KCNIP4: variants seen among roughly 807,000 people sequenced by gnomAD.
The protein encoded by KCNIP4 is Kv channel-interacting protein 4.
A neutral mutation model predicts 34.0 loss-of-function variants in KCNIP4; 12 were observed. The ratio of observed to expected loss-of-function variants is 0.35; its 90% CI spans 0.23 to 0.57. The LOEUF (loss-of-function observed/expected upper bound fraction) is 0.57, where lower values mean the gene tolerates loss of function less well. Among genes scored for constraint, KCNIP4 ranks in the 20% least tolerant of loss-of-function variants. The pLI is 0.83. For synonymous variants in KCNIP4, 124 were observed against 102.2 expected (o/e 1.21, Z -1.29); for missense variants, 238 against 311.7 (o/e 0.76, Z 1.78).
chr4:20,755,986 T>A (rs569715999), intron 4 of KCNIP4, among the ~76,000 whole-genome samples: 3 of 152,244 alleles, frequency 2.0e-5, no homozygotes, highest in South Asian at 4.2e-4. Flanking sequence ...GCTTATGTTC[T>A]ATGGAATGGT....
chr4:21,144,726 A>C (rs1752225983), intron 1 of KCNIP4, among the ~76,000 whole-genome samples: 1 of 152,092 alleles, frequency 6.6e-6, no homozygotes, highest in South Asian at 2.1e-4. Context: ...TGATGTGAAT[A>C]TTTTCCTCCT....
At chr4:20,848,748 T>C (rs1258012695) in intron 3 of KCNIP4, among the ~76,000 whole-genome samples, 1 of 152,158 alleles carries the variant, frequency 6.6e-6, no homozygotes, top group African/African-American at 2.4e-5. Flanking sequence ...AGAGATTGGA[T>C]TCAGTTCTCC....
intron 1 of KCNIP4, among the ~76,000 whole-genome samples, chr4:20,968,235 T>A (rs1003309386): frequency 5.9e-5 from 9 of 152,118 alleles, no homozygotes; most frequent in Non-Finnish European, 1.2e-4. Context: ...AGATACCATC[T>A]CACACCAGTT....
At chr4:21,733,582 T>G (rs1042276351) in intron 1 of KCNIP4, among the ~76,000 whole-genome samples, 1 of 152,172 alleles carries the variant, frequency 6.6e-6, no homozygotes, top group Non-Finnish European at 1.5e-5. Flanking sequence ...GCAGTATAAT[T>G]TTTGCAAGTC....
intron 1 of KCNIP4, among the ~76,000 whole-genome samples, chr4:21,328,250 T>G (rs1394271426): frequency 6.6e-6 from 1 of 152,182 alleles, no homozygotes; most frequent in Non-Finnish European, 1.5e-5. Context: ...TCTAAATTTT[T>G]GGTCACTGCA....
Position 21,116,440 on chromosome 4 carries a change from G to A in KCNIP4, c.62-233731C>T, listed in dbSNP as rs150356765. Among the ~76,000 whole-genome samples the A allele has an allele frequency of 2.6e-4, 40 of 152,216 alleles. No individual in the cohort carries two copies. In the East Asian group the frequency reaches 5.6e-3, roughly 21 times the overall value. On this transcript the variant is annotated intron_variant, in intron 1 of 8. Transcript: ENST00000382152. Reference sequence around the variant, plus strand: ...TGCAGGCAGAGATCATCGTTCTTACGGCTTTAGAGTGACTACAACTTCCTG... The same window carrying A: ...TGCAGGCAGAGATCATCGTTCTTACAGCTTTAGAGTGACTACAACTTCCTG...
At chr4:21,788,148 G>T (rs1443369698) in intron 1 of KCNIP4, among the ~76,000 whole-genome samples, 1 of 152,072 alleles carries the variant, frequency 6.6e-6, no homozygotes, top group Non-Finnish European at 1.5e-5. Flanking sequence ...TTCAAAATTT[G>T]GGAGGTAAAG....
chr4:20,838,552 G>A (rs1039112099), intron 3 of KCNIP4, among the ~76,000 whole-genome samples: 10 of 152,164 alleles, frequency 6.6e-5, no homozygotes, highest in African/African-American at 2.2e-4. Context: ...AGCCCTTAAT[G>A]TGAATAAAAG....
chr4:21,376,681 C>T (rs573201155), intron 1 of KCNIP4, among the ~76,000 whole-genome samples: 4 of 152,176 alleles, frequency 2.6e-5, no homozygotes, highest in East Asian at 3.8e-4. Flanking sequence ...ATCAGTGTTA[C>T]GTTTGCCTTT....
chr4:21,481,905 A>G (rs1731459387), intron 1 of KCNIP4, among the ~76,000 whole-genome samples: 2 of 152,208 alleles, frequency 1.3e-5, no homozygotes, highest in African/African-American at 4.8e-5. Context: ...TCACACATTT[A>G]TGAAATAAAA....
intron 1 of KCNIP4, among the ~76,000 whole-genome samples, chr4:21,865,404 GA>G (rs1355484602): frequency 6.6e-6 from 1 of 151,604 alleles, no homozygotes; most frequent in Non-Finnish European, 1.5e-5. Context: ...GACAGGATAG[GA>G]CAAGAGAGAA....
chr4:20,733,561 T>C (rs1389896494), intron 6 of KCNIP4, among the ~76,000 whole-genome samples: 1 of 152,148 alleles, frequency 6.6e-6, no homozygotes. Flanking sequence ...GTGAAACCTT[T>C]TAAGATGTTT....
At chr4:21,258,472 A>G (rs909235067) in intron 1 of KCNIP4, among the ~76,000 whole-genome samples, 1 of 152,132 alleles carries the variant, frequency 6.6e-6, no homozygotes, top group Non-Finnish European at 1.5e-5. Context: ...AGCTCTACCC[A>G]TATTATCCAG....
chr4:21,490,657 C>G (rs116602146), intron 1 of KCNIP4, among the ~76,000 whole-genome samples: 2,971 of 152,246 alleles, frequency 0.02, 96 homozygotes, highest in East Asian at 0.12. Flanking sequence ...GAAGTGCACA[C>G]TATTCATTTA....
At chr4:21,665,028 T>C (rs1748733602) in intron 1 of KCNIP4, among the ~76,000 whole-genome samples, 1 of 152,214 alleles carries the variant, frequency 6.6e-6, no homozygotes, top group Non-Finnish European at 1.5e-5. Flanking sequence ...CATGATCTAT[T>C]AATGGCTATC....
At chr4:21,690,767 T>C (rs895893784) in intron 1 of KCNIP4, among the ~76,000 whole-genome samples, 4 of 152,208 alleles carry the variant, frequency 2.6e-5, no homozygotes, top group African/African-American at 4.8e-5. Flanking sequence ...CGTATCTCAC[T>C]GAGTTGTAAT....
chr4:21,695,463 G>A (rs1712211025), intron 1 of KCNIP4, among the ~76,000 whole-genome samples: 1 of 151,186 alleles, frequency 6.6e-6, no homozygotes, highest in Admixed American at 6.6e-5. Context: ...TCAAAAAGAA[G>A]AAAGCAATCC....
intron 3 of KCNIP4, among the ~76,000 whole-genome samples, chr4:20,792,144 C>A (rs1483530545): frequency 6.6e-6 from 1 of 152,164 alleles, no homozygotes; most frequent in Non-Finnish European, 1.5e-5. Context: ...GAAGCTGAGG[C>A]AGGCGGATCA....
intron 1 of KCNIP4, among the ~76,000 whole-genome samples, chr4:21,552,722 T>A (rs984364267): frequency 6.6e-6 from 1 of 152,118 alleles, no homozygotes; most frequent in Admixed American, 6.6e-5. Flanking sequence ...TAATACTTAG[T>A]TTTTTAGGCT....
Sources: gnomAD v4.1 joint callset for allele counts (sites outside exome capture counted in the v4.1 genomes callset) on GRCh38, gnomAD v4.1.1 for gene constraint, MANE v1.5 for transcripts, NCBI Gene and HGNC (gene_info 2026-07-23, HGNC 2026-07-21) for gene names.